The following ALMS1 variants were observed in gnomAD, a reference collection of about 807,000 sequenced individuals.
The protein encoded by ALMS1 is ALMS1 centrosome and basal body associated protein.
Under a neutral mutation model 352.2 loss-of-function variants are expected in ALMS1, and 271 were observed. The ratio of observed to expected loss-of-function variants is 0.77; its 90% CI spans 0.70 to 0.85. ALMS1 has a LOEUF of 0.85. Among genes scored for constraint, ALMS1 ranks in the 40% least tolerant of loss-of-function variants. The pLI is 0.00. For missense variants in ALMS1, 5,445 were observed against 4,870.7 expected (o/e 1.12, Z -3.51); for synonymous variants, 1,865 against 1,761.2 (o/e 1.06, Z -1.48).
At chr2:73,492,291 A>T (rs1370010533) in intron 10 of ALMS1, among the ~76,000 whole-genome samples, 2 of 152,062 alleles carry the variant, frequency 1.3e-5, no homozygotes. Context: ...AGGAAGAAAG[A>T]AATGTTTATT....
Position 73,426,491 on chromosome 2 carries a change from C to A in ALMS1, c.1276C>A (p.Leu426Met). ...GAAGGTTGAGTCTGACGTCATTACT[C>A]TGGATGGCCTAAATGAAAATGCTGT... ...QGKVESDVIT[L>M]DGLNENAVVC... Residue 426 changes from leucine (L) to methionine (M), a missense_variant, in exon 6 of 23, where the codon CTG becomes ATG. Physicochemically the swap from Leu to Met is conservative, Grantham distance 15. Transcript: ENST00000613296. 2 of 1,614,142 alleles carry A rather than the reference C, an allele frequency of 1.2e-6. No individual in the cohort carries two copies. The highest frequency in any genetic ancestry group is 1.7e-6 in the Non-Finnish European group (2 of 1,179,972).
chr2:73,396,945 G>A (rs1176849380), intron 1 of ALMS1, among the ~76,000 whole-genome samples: 3 of 152,032 alleles, frequency 2.0e-5, no homozygotes, highest in African/African-American at 7.2e-5. Context: ...CGCCCAGCCT[G>A]GTTAGGCTCT....
intron 12 of ALMS1, among the ~76,000 whole-genome samples, chr2:73,544,194 T>G (rs888705792): frequency 3.9e-5 from 6 of 152,122 alleles, no homozygotes; most frequent in South Asian, 4.1e-4. Flanking sequence ...CCATAAAAAA[T>G]GATGAGTTCA....
chr2:73,599,225 A>T (rs1219910025), intron 16 of ALMS1, among the ~76,000 whole-genome samples, 176 bp from the exon 17 acceptor site: 1 of 152,126 alleles, frequency 6.6e-6, no homozygotes, highest in African/African-American at 2.4e-5. Flanking sequence ...ATCCACCTAC[A>T]ACATTCTCCC....
intron 10 of ALMS1, among the ~76,000 whole-genome samples, chr2:73,493,437 A>G (rs902951350): frequency 1.2e-4 from 18 of 151,516 alleles, no homozygotes; most frequent in African/African-American, 4.4e-4. Context: ...AAATATTTAT[A>G]AAGGGCTGGG....
rs747929248 is a variant in ALMS1 at position 73,558,978 on chromosome 2, G to A, written c.10220G>A (p.Ser3407Asn). 3 of 1,613,880 alleles carry A rather than the reference G, an allele frequency of 1.9e-6. No individual in the cohort carries two copies. Among genetic ancestry groups the A allele is most frequent in the Non-Finnish European group, 1.7e-6 (2 of 1,179,892 alleles). The change falls in exon 15 of 23, where the codon AGT becomes AAT. Residue 3407 changes from serine (S) to asparagine (N), a missense_variant. By Grantham distance (46) the Ser-to-Asn change is conservative. Transcript: ENST00000613296. ...GTTAATTTCCCTTTCGTAGATTCCA[G>A]TGCTGCTGCTGCTGCAGAGCACTCA... ...ESLQKDTADSSAAAAAEHSAQ... is the reference protein window; with the variant it reads ...ESLQKDTADSNAAAAAEHSAQ...
At chr2:73,530,588 G>T (rs767947624) in intron 11 of ALMS1, among the ~76,000 whole-genome samples, 1 of 152,224 alleles carries the variant, frequency 6.6e-6, no homozygotes, top group Non-Finnish European at 1.5e-5. Flanking sequence ...CTGAGGTCTA[G>T]AGGATGGTGG....
At position 73,393,385 on chromosome 2, in the gene ALMS1, C is replaced by T. The variant is rs139397464; in HGVS notation, c.324+7193C>T. Among the ~76,000 whole-genome samples the T allele has an allele frequency of 2.6e-3, 397 of 151,148 alleles. 3 individuals carry two copies. The highest frequency in any genetic ancestry group is 9.1e-3 in the African/African-American group (374 of 41,170). On this transcript the variant is annotated intron_variant, in intron 1 of 22. Transcript: ENST00000613296. ...CTTTATTCTTTCGTATGTGACTATC[C>T]AGCACTGTTTTTTTTTTTAAATTTT...
intron 11 of ALMS1, among the ~76,000 whole-genome samples, chr2:73,521,704 C>T (rs374224151): frequency 3.3e-5 from 5 of 151,112 alleles, no homozygotes; most frequent in Non-Finnish European, 7.4e-5. Context: ...GAGCCGAGAT[C>T]GTGCCACTGC....
intron 6 of ALMS1, among the ~76,000 whole-genome samples, chr2:73,430,480 G>C (rs1671477765): frequency 6.6e-6 from 1 of 152,182 alleles, no homozygotes; most frequent in African/African-American, 2.4e-5. Context: ...TTTGAAAGCT[G>C]TAGAAGAAAA....
chr2:73,477,326 T>A (rs1382316723), intron 9 of ALMS1, among the ~76,000 whole-genome samples: 3 of 152,142 alleles, frequency 2.0e-5, no homozygotes, highest in Non-Finnish European at 4.4e-5. Context: ...GACTGTCGGT[T>A]CTATGCCATT....
At position 73,572,705 on chromosome 2, in the gene ALMS1, A is replaced by G. The variant is rs757748994; in HGVS notation, c.10828A>G (p.Arg3610Gly). 12 of 1,614,114 alleles carry G rather than the reference A, an allele frequency of 7.4e-6. No homozygotes were observed. The South Asian group carries it at 1.1e-4, about 15-fold the overall frequency. Residue 3610 changes from arginine to glycine, a missense_variant, in exon 16 of 23, where the codon AGG becomes GGG. Physicochemically the swap from Arg to Gly is moderately radical, Grantham distance 125 (BLOSUM62 -2). Transcript: ENST00000613296. Reference sequence around the variant, plus strand: ...GTGGAACAAGTATCGGGAGCGACAGAGGCAACAGAGACAGCCTGAGTTGGG... The same window carrying G: ...GTGGAACAAGTATCGGGAGCGACAGGGGCAACAGAGACAGCCTGAGTTGGG... Reference protein sequence around the residue: ...ELWNKYRERQRQQRQPELGDR... With the variant: ...ELWNKYRERQGQQRQPELGDR...
chr2:73,478,777 C>A (rs952508951), intron 9 of ALMS1, among the ~76,000 whole-genome samples: 110 of 151,930 alleles, frequency 7.2e-4, no homozygotes, highest in Admixed American at 7.2e-3. Context: ...CCTATCAACC[C>A]ATCATTTAGG....
rs374020124 is a variant in ALMS1 at position 73,608,559 on chromosome 2, C to T, written c.12447C>T (p.Ala4149=). 9.9e-6 allele frequency: 16 copies of T among 1,613,656 alleles called. No homozygotes were observed. Among genetic ancestry groups the T allele is most frequent in the Middle Eastern group, 1.6e-4 (1 of 6,074 alleles). The change falls in exon 22 of 23, where the codon GCC becomes GCT. Residue 4149 remains alanine, a synonymous_variant. Coordinates refer to ENST00000613296, the MANE Select transcript of ALMS1 (RefSeq NM_001378454.1). Reference sequence around the variant, plus strand: ...AATATAAGTCATACCGGCTGCGAGCCCAGCTATATAAAAAGGTCAGTGGGT... The same window carrying T: ...AATATAAGTCATACCGGCTGCGAGCTCAGCTATATAAAAAGGTCAGTGGGT... ...KSEYKSYRLR[A]QLYKKRVTNQ... is the part of the protein sequence containing the mutation.
In ALMS1 at chr2:73,489,816, A is replaced by G. The variant is rs1339372797; in HGVS notation, c.7857A>G (p.Pro2619=). The G allele has an allele frequency of 1.2e-6, 2 of 1,614,184 alleles. No individual in the cohort carries two copies. Among genetic ancestry groups the G allele is most frequent in the South Asian group, 1.1e-5 (1 of 91,078 alleles). The change falls in exon 10 of 23, where the codon CCA becomes CCG. Residue 2619 remains proline (P), a synonymous_variant. Transcript: ENST00000613296. ...PSEMTRGRQN[P]SSCRAKHVNL... ...AAATGACCAGAGGACGGCAGAACCC[A>G]TCATCATGCAGAGCCAAGCATGTCA...
intron 13 of ALMS1, among the ~76,000 whole-genome samples, chr2:73,556,546 A>G (rs1040702917): frequency 6.6e-6 from 1 of 152,082 alleles, no homozygotes; most frequent in African/African-American, 2.4e-5. Flanking sequence ...AATTGACTCC[A>G]TAAGTGGTAA....
At chr2:73,388,974 T>G (rs1192641846) in intron 1 of ALMS1, among the ~76,000 whole-genome samples, 1 of 152,186 alleles carries the variant, frequency 6.6e-6, no homozygotes, top group Non-Finnish European at 1.5e-5. Flanking sequence ...GTAGGATTGC[T>G]GGGTCAAATG....
chr2:73,517,338 C>T (rs142691408), intron 10 of ALMS1, among the ~76,000 whole-genome samples: 40 of 147,958 alleles, frequency 2.7e-4, no homozygotes, highest in African/African-American at 9.6e-4. Context: ...ACTGCTGCCT[C>T]GAACTCTTGG....
chr2:73,424,171 C>T (rs1275608054), intron 4 of ALMS1, among the ~76,000 whole-genome samples: 1 of 152,140 alleles, frequency 6.6e-6, no homozygotes, highest in Non-Finnish European at 1.5e-5. Flanking sequence ...ATGAAAATCA[C>T]ATTCTGTGTC....
Sources: allele counts gnomAD v4.1 joint callset (sites outside exome capture counted in the v4.1 genomes callset), GRCh38; gene constraint gnomAD v4.1.1; transcripts MANE v1.5; gene names NCBI Gene and HGNC (gene_info 2026-07-23, HGNC 2026-07-21).